Variants in MTCL2 observed in about 807,000 individuals in gnomAD.
The protein encoded by MTCL2 is microtubule crosslinking factor 2.
At chr20:36,794,496 C>T in the MTCL2 span, 5 of 1,614,036 alleles carry the variant, frequency 3.1e-6, no homozygotes, top group Non-Finnish European at 4.2e-6. This position sits in a 1 kb window ranked among gnomAD's most constrained non-coding sequence, Gnocchi z 5.4. Flanking sequence ...AAGCCAAAGG[C>T]AGGGTTGTTA....
At chr20:36,812,978 G>T in the MTCL2 span, 1 of 1,098,816 alleles carries the variant, frequency 9.1e-7, no homozygotes, top group Non-Finnish European at 1.3e-6. Flanking sequence ...CTGGGACCCT[G>T]GTAGATTCAC....
the MTCL2 span, among the ~76,000 whole-genome samples, chr20:36,850,877 C>T: frequency 3.3e-5 from 5 of 152,264 alleles, no homozygotes; most frequent in East Asian, 1.9e-4. Flanking sequence ...TACTACTCAG[C>T]GATGAAAAGG....
the MTCL2 span, chr20:36,816,154 G>C: frequency 5.0e-6 from 8 of 1,613,660 alleles, no homozygotes; most frequent in Non-Finnish European, 6.8e-6. Flanking sequence ...TCGGCTGACA[G>C]CGCGCTGTCC....
the MTCL2 span, among the ~76,000 whole-genome samples, chr20:36,853,396 G>C: frequency 6.6e-6 from 1 of 152,162 alleles, no homozygotes; most frequent in Non-Finnish European, 1.5e-5. Context: ...CCAGGATTCA[G>C]GTCCAGTTGG....
At chr20:36,862,434 A>G in the MTCL2 span, among the ~76,000 whole-genome samples, 11 of 152,082 alleles carry the variant, frequency 7.2e-5, no homozygotes, top group East Asian at 3.9e-4. Context: ...AGGGCCCTGT[A>G]GCCAGTTCCA....
chr20:36,852,269 C>T, the MTCL2 span, among the ~76,000 whole-genome samples: 1 of 152,198 alleles, frequency 6.6e-6, no homozygotes, highest in African/African-American at 2.4e-5. Context: ...GGCTGCCTCC[C>T]ATCTGCCACC....
At chr20:36,850,404 G>A in the MTCL2 span, among the ~76,000 whole-genome samples, 1 of 152,130 alleles carries the variant, frequency 6.6e-6, no homozygotes, top group African/African-American at 2.4e-5. Context: ...GTGCACGCCT[G>A]TAATCCCAGC....
chr20:36,797,387 C>T, the MTCL2 span: 9 of 1,065,618 alleles, frequency 8.4e-6, no homozygotes, highest in Middle Eastern at 4.0e-4. Context: ...GCCCAAGGTG[C>T]AAGGGTGTGA....
At chr20:36,804,928 T>C in the MTCL2 span, 4 of 1,599,780 alleles carry the variant, frequency 2.5e-6, no homozygotes, top group Non-Finnish European at 3.4e-6. Flanking sequence ...AAAACCTGAG[T>C]CAAGAGCCTC....
the MTCL2 span, chr20:36,794,603 C>G: frequency 1.9e-6 from 3 of 1,613,910 alleles, no homozygotes; most frequent in South Asian, 3.3e-5. This position sits in a 1 kb window ranked among gnomAD's most constrained non-coding sequence, Gnocchi z 5.4. Flanking sequence ...TTTGGTTCTG[C>G]GAAGGACAGA....
At chr20:36,855,706 G>A in the MTCL2 span, among the ~76,000 whole-genome samples, 1 of 152,196 alleles carries the variant, frequency 6.6e-6, no homozygotes, top group African/African-American at 2.4e-5. Context: ...TCTGTGCCAG[G>A]ATGGTGCTAG....
chr20:36,818,678 T>C, the MTCL2 span, among the ~76,000 whole-genome samples: 2 of 151,942 alleles, frequency 1.3e-5, no homozygotes, highest in African/African-American at 4.8e-5. Context: ...GGGGAAAAAA[T>C]AGATACATTT....
the MTCL2 span, among the ~76,000 whole-genome samples, chr20:36,801,664 G>A: frequency 1.3e-5 from 2 of 152,116 alleles, no homozygotes; most frequent in South Asian, 2.1e-4. Flanking sequence ...CCTGATTTAC[G>A]TAATTAAAAT....
the MTCL2 span, chr20:36,812,836 G>A: frequency 6.2e-7 from 1 of 1,611,900 alleles, no homozygotes; most frequent in Non-Finnish European, 8.5e-7. Flanking sequence ...GGTCCCTGAA[G>A]TCAGGTGGCT....
At chr20:36,784,833 G>A in the MTCL2 span, 2 of 985,516 alleles carry the variant, frequency 2.0e-6, no homozygotes, top group Non-Finnish European at 2.4e-6. Flanking sequence ...GGTGAGAACC[G>A]AGGCAGGCTG....
the MTCL2 span, among the ~76,000 whole-genome samples, chr20:36,838,262 G>A: frequency 1.3e-5 from 2 of 152,114 alleles, no homozygotes; most frequent in Non-Finnish European, 2.9e-5. Context: ...GTATTAGCCA[G>A]GATGGTCTCG....
At chr20:36,853,713 G>C in the MTCL2 span, among the ~76,000 whole-genome samples, 1 of 150,850 alleles carries the variant, frequency 6.6e-6, no homozygotes, top group African/African-American at 2.4e-5. Context: ...GTGTGTGTGT[G>C]TGTGTGTGTG....
At chr20:36,799,719 G>C in the MTCL2 span, among the ~76,000 whole-genome samples, 1 of 151,662 alleles carries the variant, frequency 6.6e-6, no homozygotes, top group Non-Finnish European at 1.5e-5. Flanking sequence ...AAGAAGAAGG[G>C]AGGGAGGAAG....
the MTCL2 span, among the ~76,000 whole-genome samples, chr20:36,846,881 G>A: frequency 6.6e-6 from 1 of 152,172 alleles, no homozygotes; most frequent in East Asian, 1.9e-4. Flanking sequence ...TTGGTGGCGT[G>A]TGCCTGTAAT....
Sources: allele counts gnomAD v4.1 joint callset (sites outside exome capture counted in the v4.1 genomes callset), GRCh38; gene constraint gnomAD v4.1.1; non-coding constraint Gnocchi (gnomAD v3.1); transcripts MANE v1.5; gene names NCBI Gene and HGNC (gene_info 2026-07-23, HGNC 2026-07-21).